The following DDHD2 variants were observed in gnomAD, a reference collection of about 807,000 sequenced individuals.
DDHD2 encodes the protein DDHD domain containing 2.
Under a neutral mutation model 91.2 loss-of-function variants are expected in DDHD2, and 62 were observed. That is an observed-to-expected ratio of 0.68 (90% CI 0.55 to 0.84). The LOEUF is 0.84. DDHD2 is among the 40% of genes least tolerant of loss of function. The pLI, the probability that DDHD2 is intolerant of heterozygous loss-of-function variation, is 0.00. For missense variants in DDHD2, 740 were observed against 846.9 expected, an observed-to-expected ratio of 0.87 and a Z score of 1.57; for synonymous variants, 271 against 293.9, an observed-to-expected ratio of 0.92 and a Z score of 0.80.
rs981251881 is a variant in DDHD2, at chr8:38,252,739, T to C, written c.1635T>C (p.Tyr545=). The change falls in exon 14 of 18, where the codon TAT becomes TAC. Residue 545 remains tyrosine, a synonymous_variant. Transcript: ENST00000397166. Reference sequence around the variant, plus strand: ...CTATGTAGTTTGATCCTGTGGCCTATAGGATTGAACCAATGGTGGTCCCAG... The same window carrying C: ...CTATGTAGTTTGATCCTGTGGCCTACAGGATTGAACCAATGGTGGTCCCAG... ...NIYHPFDPVA[Y]RIEPMVVPGV... The C allele has an allele frequency of 1.9e-6, 3 of 1,613,512 alleles. No individual in the cohort carries two copies. Among genetic ancestry groups the C allele is most frequent in the South Asian group, 1.1e-5 (1 of 91,066 alleles).
intron 5 of DDHD2, among the ~76,000 whole-genome samples, chr8:38,239,709 T>A (rs1455238495): frequency 4.6e-4 from 52 of 112,488 alleles, no homozygotes; most frequent in East Asian, 3.7e-3. Context: ...AACCATAATT[T>A]AAAAAAAAAA....
intron 4 of DDHD2, among the ~76,000 whole-genome samples, chr8:38,237,854 A>C (rs939852488): frequency 1.3e-5 from 2 of 152,240 alleles, no homozygotes; most frequent in African/African-American, 4.8e-5. Flanking sequence ...TAGAATAAGA[A>C]AATCACTGAC....
In DDHD2 at chr8:38,246,141, A is replaced by G. The variant is rs1367989582; in HGVS notation, c.1058-92A>G. 7 of 1,115,072 alleles carry G rather than the reference A, an allele frequency of 6.3e-6. No individual in the cohort carries two copies. The African/African-American group carries it at 1.1e-4, about 17-fold the overall frequency. The allele number at this position is 1,115,072 out of a possible 1,614,324, so 69.1% of individuals were successfully genotyped here. A position where few individuals can be genotyped will look rare whatever the true frequency, so the allele number is the denominator to read the frequency against. On this transcript the variant is annotated intron_variant, in intron 8 of 17. Transcript: ENST00000397166. ...GACTCCTTGCTGTATAGATTTGCTT[A>G]CATATGTAATTGGCTTATGCCTTTT... is the stretch of plus-strand genomic sequence containing the variant.
At chr8:38,238,505 G>C in intron 5 of DDHD2, 1 of 1,109,630 alleles carries the variant, frequency 9.0e-7, no homozygotes. Context: ...CCACCTACTT[G>C]ACTAGAAATT....
chr8:38,247,122 T>A (rs938777344), intron 9 of DDHD2: 1 of 151,976 alleles, frequency 6.6e-6, no homozygotes, highest in Non-Finnish European at 1.5e-5. Context: ...TTCTATTTCT[T>A]TTTTTTCTTT....
At position 38,234,549 on chromosome 8, in the gene DDHD2, G is replaced by A; in HGVS notation, c.376G>A (p.Val126Ile). Residue 126 changes from valine to isoleucine, a missense_variant, in exon 3 of 18, where the codon GTT becomes ATT. Coordinates refer to ENST00000397166, the MANE Select transcript of DDHD2 (RefSeq NM_015214.3). ...CAAGGGGGACAAAGACAATAAGTAT[G>A]TTCCCTACTCGGAGAGCTTCAGCCA... ...FYKGDKDNKY[V>I]PYSESFSQVL... is the part of the protein sequence containing the mutation. The A allele has an allele frequency of 2.5e-6, 4 of 1,611,632 alleles. No individual in the cohort carries two copies. Among genetic ancestry groups the A allele is most frequent in the Non-Finnish European group, 3.4e-6 (4 of 1,179,472 alleles).
At chr8:38,268,155 G>T in intron 1 of DDHD2, 1 of 1,337,452 alleles carries the variant, frequency 7.5e-7, no homozygotes, top group Non-Finnish European at 9.9e-7. Flanking sequence ...ACATTTCTGA[G>T]GTACAAATAA....
chr8:38,234,410 G>T lies in DDHD2; in HGVS notation c.237G>T (p.Gly79=). 6.3e-7 allele frequency: 1 copy of T among 1,586,764 alleles called. No individual in the cohort carries two copies. The highest frequency in any genetic ancestry group is 8.5e-7 in the Non-Finnish European group (1 of 1,172,120). ...CCTTGAAAGGAAAAGGTTGTAATGG[G>T]AGAGTTGTTCCTACTGATGGGGGCA... ...EAYSSGKGCN[G]RVVPTDGGRY... The change falls in exon 3 of 18, where the codon GGG becomes GGT. Residue 79 remains glycine, a synonymous_variant. Transcript: ENST00000397166.
chr8:38,234,589 T>A lies in DDHD2; in HGVS notation c.411+5T>A, dbSNP rs745746575. The A allele has an allele frequency of 1.3e-6, 2 of 1,576,876 alleles. No homozygotes were observed. The highest frequency in any genetic ancestry group is 1.7e-6 in the Non-Finnish European group (2 of 1,165,466). ...AGCTTCAGCCAAGTTTTAGAGGTAT[T>A]CTTTTGACTCTTTTTTTACTTATTC... On this transcript the variant is annotated splice_donor_5th_base_variant and intron_variant, in intron 3 of 17. Transcript: ENST00000397166.
rs1168968356 is a variant in DDHD2, at chr8:38,252,954, C to G, written c.1721-3C>G. 5.0e-6 allele frequency: 8 copies of G among 1,613,702 alleles called. No homozygotes were observed. Among genetic ancestry groups the G allele is most frequent in the Non-Finnish European group, 5.9e-6 (7 of 1,179,846 alleles). ...TTTAATGTTCTTTATTTATATGTTT[C>G]AGAACTGAGAGAGGGCTTGACCAGG... is the stretch of plus-strand genomic sequence containing the variant. On this transcript the variant is annotated splice_polypyrimidine_tract_variant and splice_region_variant and intron_variant, in intron 14 of 17. Transcript: ENST00000397166.
In DDHD2 at chr8:38,249,793, A is replaced by G. The variant is rs1185600857; in HGVS notation, c.1334A>G (p.Lys445Arg). 4 of 1,605,702 alleles carry G rather than the reference A, an allele frequency of 2.5e-6. No homozygotes were observed. The highest frequency in any genetic ancestry group is 2.6e-6 in the Non-Finnish European group (3 of 1,173,006). The change falls in exon 11 of 18, where the codon AAA becomes AGA. Residue 445 changes from lysine (K) to arginine (R), a missense_variant. Physicochemically the swap from Lys to Arg is conservative, Grantham distance 26. Coordinates refer to ENST00000397166, the MANE Select transcript of DDHD2 (RefSeq NM_015214.3). ...ATATTAAACTATTTCAGCACCAGAA[A>G]AAACTCAATGGTATGTGCCTAATAC... ...KKILNYFSTR[K>R]NSMGIKRPAP...
chr8:38,257,836 G>C (rs1215466638), intron 16 of DDHD2, among the ~76,000 whole-genome samples: 1 of 151,240 alleles, frequency 6.6e-6, no homozygotes, highest in Non-Finnish European at 1.5e-5. Context: ...GGCTAATTTT[G>C]TCTTTTTAGT....
downstream of DDHD2, chr8:38,263,608 A>G (rs1373045520): frequency 2.6e-5 from 26 of 985,322 alleles, no homozygotes; most frequent in Admixed American, 1.6e-3. Context: ...GACTCAGATA[A>G]GATGCACACA....
intron 11 of DDHD2, chr8:38,250,379 T>G (rs1352173930): frequency 1.3e-5 from 2 of 152,110 alleles, no homozygotes; most frequent in Non-Finnish European, 2.9e-5. Context: ...TTCTCCTGCT[T>G]CATCCTCTTG....
downstream of DDHD2, chr8:38,271,638 T>C (rs1376218878): frequency 6.6e-6 from 1 of 152,244 alleles, no homozygotes; most frequent in Admixed American, 6.5e-5. Flanking sequence ...CAAAGGAAAG[T>C]GTTTCCATTC....
chr8:38,266,432 GCT>G (rs1388001148), downstream of DDHD2: 1 of 999,000 alleles, frequency 1.0e-6, no homozygotes, highest in African/African-American at 1.6e-5. Flanking sequence ...AGACAGTCTT[GCT>G]CTGTCGCCCA....
intron 1 of DDHD2, chr8:38,269,256 C>CG: frequency 7.2e-7 from 1 of 1,382,872 alleles, no homozygotes; most frequent in Non-Finnish European, 9.3e-7. Context: ...CGGGGAGGGC[C>CG]GGGCCGGGAA....
At chr8:38,247,946 T>C (rs1805775035) in intron 10 of DDHD2, 111 bp downstream of exon 10, 10 of 794,826 alleles carry the variant, frequency 1.3e-5, no homozygotes, top group Non-Finnish European at 1.9e-5. Context: ...TACTTTATGA[T>C]TAATGTTCCT....
At chr8:38,244,551 G>A (rs1008798341) in intron 7 of DDHD2, among the ~76,000 whole-genome samples, 1 of 134,426 alleles carries the variant, frequency 7.4e-6, no homozygotes, top group Non-Finnish European at 1.6e-5. Flanking sequence ...CCACTGCGCC[G>A]GCCTGAACAG....
Sources: gnomAD v4.1 joint callset for allele counts (sites outside exome capture counted in the v4.1 genomes callset) on GRCh38, gnomAD v4.1.1 for gene constraint, MANE v1.5 for transcripts, NCBI Gene and HGNC (gene_info 2026-07-23, HGNC 2026-07-21) for gene names.